RRP15: variants seen among roughly 807,000 people sequenced by gnomAD.
The protein encoded by RRP15 is RRP15-like protein.
RRP15 carries 18 observed loss-of-function variants against 27.1 expected under a neutral mutation model. That is an observed-to-expected ratio of 0.66 (90% CI 0.46 to 0.98). The LOEUF (loss-of-function observed/expected upper bound fraction) is 0.98. Among genes scored for constraint, RRP15 ranks in the 50% least tolerant of loss-of-function variants. The probability of loss-of-function intolerance (pLI) is 0.00; values close to 1 mark genes in which losing one functional copy is unlikely to be tolerated. For synonymous variants in RRP15, 107 were observed against 109.4 expected (o/e 0.98, Z 0.14); for missense variants, 359 against 337.8 (o/e 1.06, Z -0.49).
intron 1 of RRP15, 67 bp from the exon 2 acceptor site, chr1:218,302,226 CG>C (rs1558204437): frequency 7.1e-6 from 9 of 1,262,562 alleles, no homozygotes; most frequent in South Asian, 4.2e-5. Flanking sequence ...AGGAAGGGTT[CG>C]GGGGGCCTTG....
intron 4 of RRP15, among the ~76,000 whole-genome samples, chr1:218,330,138 T>G (rs1013534854): frequency 6.6e-6 from 1 of 152,116 alleles, no homozygotes; most frequent in African/African-American, 2.4e-5. Flanking sequence ...TCTAACATAG[T>G]GCTTGATACA....
intron 4 of RRP15, among the ~76,000 whole-genome samples, chr1:218,323,669 G>T (rs140359201): frequency 6.6e-4 from 100 of 152,310 alleles, no homozygotes; most frequent in African/African-American, 2.3e-3. Context: ...GACTGTTCTG[G>T]CCAAGGAGTG....
At chr1:218,321,923 A>G (rs954527889) in intron 4 of RRP15, among the ~76,000 whole-genome samples, 9 of 152,168 alleles carry the variant, frequency 5.9e-5, no homozygotes, top group African/African-American at 9.6e-5. Flanking sequence ...TTAATGGTAA[A>G]TCATATTTAT....
At chr1:218,329,625 T>A (rs1198794712) in intron 4 of RRP15, among the ~76,000 whole-genome samples, 1 of 152,210 alleles carries the variant, frequency 6.6e-6, no homozygotes, top group Non-Finnish European at 1.5e-5. Flanking sequence ...TTTTATTTAT[T>A]TCTGTATGTT....
chr1:218,314,982 C>A, intron 4 of RRP15, among the ~76,000 whole-genome samples: 1 of 138,270 alleles, frequency 7.2e-6, no homozygotes, highest in African/African-American at 2.8e-5. Flanking sequence ...CAGAGAAAGG[C>A]TCCATCTCAA....
chr1:218,309,217 C>G (rs1655951466), intron 4 of RRP15, among the ~76,000 whole-genome samples: 1 of 152,156 alleles, frequency 6.6e-6, no homozygotes, highest in African/African-American at 2.4e-5. Context: ...CTAGAACACC[C>G]TGCCCCATGC....
In RRP15 at chr1:218,332,362, T is replaced by A. The variant is rs183504170; in HGVS notation, c.*1271T>A. 1 of 152,342 alleles carries A rather than the reference T, an allele frequency of 6.6e-6. No homozygotes were observed. The highest frequency in any genetic ancestry group is 2.4e-5 in the African/African-American group (1 of 41,582). The allele number at this position is 152,342 out of a possible 1,614,324, so 9.4% of individuals were successfully genotyped here. ...GCTGTTAAAAAGAGGAAAGACTGTT[T>A]AATATCATTCCAAAATTTTTGTGAA... On this transcript the variant is annotated 3_prime_UTR_variant, in exon 5 of 5. Coordinates refer to ENST00000366932, the MANE Select transcript of RRP15 (RefSeq NM_016052.4).
At chr1:218,301,058 G>A (rs901141649) in intron 1 of RRP15, among the ~76,000 whole-genome samples, 1 of 152,182 alleles carries the variant, frequency 6.6e-6, no homozygotes, top group African/African-American at 2.4e-5. Context: ...TGTTACATTT[G>A]TAGAGGTACT....
intron 4 of RRP15, among the ~76,000 whole-genome samples, chr1:218,318,742 C>CT (rs398053827): frequency 0.038 from 5,550 of 145,404 alleles, 116 homozygotes; most frequent in East Asian, 0.078. Context: ...ATAATAAATA[C>CT]TTTTTTTTTT....
chr1:218,304,203 A>G (rs1299897465), intron 2 of RRP15, among the ~76,000 whole-genome samples: 1 of 152,190 alleles, frequency 6.6e-6, no homozygotes, highest in African/African-American at 2.4e-5. Flanking sequence ...ATAAAAAAAG[A>G]AATTTTAATA....
chr1:218,298,913 G>A (rs1655764615), intron 1 of RRP15, among the ~76,000 whole-genome samples: 2 of 152,086 alleles, frequency 1.3e-5, no homozygotes, highest in African/African-American at 2.4e-5. Context: ...TTTTATAGTA[G>A]AATGCAAAAT....
At chr1:218,329,645 A>T (rs1449299894) in intron 4 of RRP15, among the ~76,000 whole-genome samples, 3 of 152,198 alleles carry the variant, frequency 2.0e-5, no homozygotes, top group Non-Finnish European at 4.4e-5. Context: ...TGGGTAAATT[A>T]TAGTAAAAAG....
At chr1:218,314,489 A>G (rs1330223399) in intron 4 of RRP15, among the ~76,000 whole-genome samples, 1 of 152,158 alleles carries the variant, frequency 6.6e-6, no homozygotes, top group Non-Finnish European at 1.5e-5. Context: ...ACAGAAGCGG[A>G]TGTGATGTTA....
chr1:218,302,857 T>A (rs188714194), intron 2 of RRP15, among the ~76,000 whole-genome samples: 110 of 152,354 alleles, frequency 7.2e-4, no homozygotes, highest in Middle Eastern at 3.4e-3. Flanking sequence ...CTATTTTATT[T>A]GTTTTAGCTG....
At chr1:218,316,401 C>A (rs1656090519) in intron 4 of RRP15, among the ~76,000 whole-genome samples, 1 of 152,050 alleles carries the variant, frequency 6.6e-6, no homozygotes, top group African/African-American at 2.4e-5. Context: ...TTTAAAAATG[C>A]ATTATATTAA....
Position 218,331,651 on chromosome 1 carries a change from C to CTTTTTTTTTTTTTT in RRP15, c.*586_*599dup, listed in dbSNP as rs34150523. The CTTTTTTTTTTTTTT allele has an allele frequency of 1.7e-4, 6 of 35,652 alleles. 2 individuals carry two copies. Among genetic ancestry groups the CTTTTTTTTTTTTTT allele is most frequent in the African/African-American group, 2.6e-4 (3 of 11,432 alleles). The allele number at this position is 35,652 out of a possible 1,614,324, so 2.2% of individuals were successfully genotyped here. ...TGATTTAAGAAACAACAGATTTCAA[C>CTTTTTTTTTTTTTT]TTTTTTTTTTTTTTTTTTTTTTTTT... On this transcript the variant is annotated 3_prime_UTR_variant, in exon 5 of 5. Transcript: ENST00000366932.
intron 4 of RRP15, among the ~76,000 whole-genome samples, chr1:218,319,137 T>C (rs924883913): frequency 6.6e-5 from 10 of 151,848 alleles, no homozygotes; most frequent in African/African-American, 1.7e-4. Flanking sequence ...TCGGCTCGGC[T>C]CACTGCAACC....
In RRP15 at chr1:218,334,672, A is replaced by G. The variant is rs564887401; in HGVS notation, c.*3581A>G. 6.6e-6 allele frequency: 1 copy of G among 152,336 alleles called. No homozygotes were observed. Among genetic ancestry groups the G allele is most frequent in the South Asian group, 2.1e-4 (1 of 4,828 alleles). The allele number at this position is 152,336 out of a possible 1,614,324, so 9.4% of individuals were successfully genotyped here. ...TCCCTCAAATTCATCTATTAGGATC[A>G]ATGTGATTGACATTTATCTCCACTC... On this transcript the variant is annotated 3_prime_UTR_variant, in exon 5 of 5. Coordinates refer to ENST00000366932, the MANE Select transcript of RRP15 (RefSeq NM_016052.4).
At chr1:218,327,105 C>T (rs1472170866) in intron 4 of RRP15, among the ~76,000 whole-genome samples, 1 of 152,206 alleles carries the variant, frequency 6.6e-6, no homozygotes, top group Admixed American at 6.5e-5. Flanking sequence ...ATTGTCTTTT[C>T]TGATCTTGAC....
Sources: gnomAD v4.1 joint callset for allele counts (sites outside exome capture counted in the v4.1 genomes callset) on GRCh38, gnomAD v4.1.1 for gene constraint, MANE v1.5 for transcripts, NCBI Gene and HGNC (gene_info 2026-07-23, HGNC 2026-07-21) for gene names.